The following SREBF1 variants were observed in gnomAD, a reference collection of about 807,000 sequenced individuals.
SREBF1 encodes the protein sterol regulatory element-binding protein 1.
In SREBF1, 45 loss-of-function variants were observed where a neutral mutation model predicts 100.1. The observed-to-expected ratio is 0.45, with a 90% CI of 0.35 to 0.58. SREBF1 has a LOEUF of 0.58. Ranked by LOEUF, SREBF1 falls within the 20% of genes least tolerant of loss-of-function variation. The pLI is 0.00. For missense variants in SREBF1, 1,324 were observed against 1,539.4 expected (o/e 0.86, Z 2.34); for synonymous variants, 657 against 681.8 (o/e 0.96, Z 0.57).
Position 17,812,327 on chromosome 17 carries a change from G to A in SREBF1, c.*295C>T. ...ACCCCTCTCTTCCCTGTACACAGGAGGAAAAAAGCCACTAAGGTGCCTGCA... is the reference window on the plus strand; with the variant it reads ...ACCCCTCTCTTCCCTGTACACAGGAAGAAAAAAGCCACTAAGGTGCCTGCA... On this transcript the variant is annotated 3_prime_UTR_variant, in exon 19 of 19. Coordinates refer to ENST00000261646, the MANE Select transcript of SREBF1 (RefSeq NM_004176.5). 1.8e-6 allele frequency: 1 copy of A among 542,536 alleles called. No homozygotes were observed. Among genetic ancestry groups the A allele is most frequent in the Non-Finnish European group, 3.3e-6 (1 of 304,104 alleles). 33.6% of individuals were successfully genotyped at this position (542,536 alleles called of 1,614,324 possible).
At position 17,836,898 on chromosome 17, in the gene SREBF1, G is replaced by A. The variant is rs2035279717; in HGVS notation, c.-81C>T. ...CCTAGGGAGCGCCGCCGCGGCCCCGGCTCTCAGTCGCCGCCGCCGCTCCGC... is the reference window on the plus strand; with the variant it reads ...CCTAGGGAGCGCCGCCGCGGCCCCGACTCTCAGTCGCCGCCGCCGCTCCGC... On this transcript the variant is annotated 5_prime_UTR_variant, in exon 1 of 19. Coordinates refer to ENST00000261646, the MANE Select transcript of SREBF1 (RefSeq NM_004176.5). 1 of 1,290,752 alleles carries A rather than the reference G, an allele frequency of 7.7e-7. No homozygotes were observed. The highest frequency in any genetic ancestry group is 1.6e-5 in the South Asian group (1 of 63,162). 80.0% of individuals were successfully genotyped at this position (1,290,752 alleles called of 1,614,324 possible). A position where few individuals can be genotyped will look rare whatever the true frequency, so the allele number is the denominator to read the frequency against.
rs560295995 is a variant in SREBF1 at position 17,813,257 on chromosome 17, G to A, written c.3214+111C>T. On this transcript the variant is annotated intron_variant, in intron 18 of 18. Coordinates refer to ENST00000261646, the MANE Select transcript of SREBF1 (RefSeq NM_004176.5). ...GTGCTAGGTGTGAGCCACTGCGCCA[G>A]GCCTGTCTGTCCCGTCTGACACACA... is the stretch of plus-strand genomic sequence containing the variant. 3.1e-5 allele frequency: 36 copies of A among 1,157,802 alleles called. No homozygotes were observed. The African/African-American group carries it at 4.7e-4, about 15-fold the overall frequency. 71.7% of individuals were successfully genotyped at this position (1,157,802 alleles called of 1,614,324 possible). A position where few individuals can be genotyped will look rare whatever the true frequency, so the allele number is the denominator to read the frequency against.
rs757988948 is a variant in SREBF1, at chr17:17,816,437, C to G, written c.2047+20G>C. 1 of 1,603,954 alleles carries G rather than the reference C, an allele frequency of 6.2e-7. No individual in the cohort carries two copies. The highest frequency in any genetic ancestry group is 8.5e-7 in the Non-Finnish European group (1 of 1,176,268). The stretch of plus-strand genomic sequence containing the variant: ...AGGCAGCAGGGAGCACCTCGGAGCC[C>G]GCCCCACGCTCAGTCCTACCCATGG... On this transcript the variant is annotated intron_variant, in intron 10 of 18. Coordinates refer to ENST00000261646, the MANE Select transcript of SREBF1 (RefSeq NM_004176.5).
At chr17:17,827,927 G>A (rs907024937) in intron 1 of SREBF1, among the ~76,000 whole-genome samples, 5 of 152,266 alleles carry the variant, frequency 3.3e-5, no homozygotes, top group Admixed American at 6.5e-5. Flanking sequence ...GCTCAGCTCC[G>A]GCACTGCCTC....
chr17:17,820,665 C>T (rs779099587), intron 1 of SREBF1, 144 bp from the exon 2 acceptor site: 11 of 914,580 alleles, frequency 1.2e-5, no homozygotes, highest in Non-Finnish European at 1.5e-5. Flanking sequence ...GGACAGAAAG[C>T]CACCCACAGG....
In SREBF1 at chr17:17,814,284, G is replaced by C; in HGVS notation, c.2862C>G (p.Asp954Glu). ...TGCTGGCTGGTGTGGTAGCCAGGCT[G>C]TCCTGCAGGTACCCACTGGCCTTCT... Reference protein sequence around the residue: ...ICEKASGYLQDSLATTPASSS... With the variant: ...ICEKASGYLQESLATTPASSS... The change falls in exon 16 of 19, where the codon GAC becomes GAG. Residue 954 changes from aspartate to glutamate, a missense_variant. Physicochemically the swap from Asp to Glu is conservative, Grantham distance 45 (BLOSUM62 2). Transcript: ENST00000261646. 1.2e-6 allele frequency: 2 copies of C among 1,604,668 alleles called. No individual in the cohort carries two copies. The highest frequency in any genetic ancestry group is 1.7e-5 in the Admixed American group (1 of 59,088).
Position 17,811,655 on chromosome 17 carries a change from T to C in SREBF1, c.*967A>G, listed in dbSNP as rs2032860172. 4.4e-6 allele frequency: 2 copies of C among 449,646 alleles called. No individual in the cohort carries two copies. Among genetic ancestry groups the C allele is most frequent in the South Asian group, 1.6e-5 (1 of 63,874 alleles). 27.9% of individuals were successfully genotyped at this position (449,646 alleles called of 1,614,324 possible). On this transcript the variant is annotated 3_prime_UTR_variant, in exon 19 of 19. Transcript: ENST00000261646. ...GTCGGGAGGGAGGAGGCTTCTTTGC[T>C]GTGAGATGACCAGGGGCCGGGATGG...
chr17:17,819,806 C>T, intron 2 of SREBF1, 81 bp from the exon 3 acceptor site: 1 of 1,482,998 alleles, frequency 6.7e-7, no homozygotes, highest in Non-Finnish European at 9.0e-7. Context: ...CTATCACCGA[C>T]TGGCCTTGGA....
chr17:17,836,912 C>A lies in SREBF1; in HGVS notation c.-95G>T. The A allele has an allele frequency of 8.5e-6, 10 of 1,179,390 alleles. No individual in the cohort carries two copies. The highest frequency in any genetic ancestry group is 1.1e-5 in the Non-Finnish European group (10 of 888,208). 73.1% of individuals were successfully genotyped at this position (1,179,390 alleles called of 1,614,324 possible). The stretch of plus-strand genomic sequence containing the variant: ...CCGCGGCCCCGGCTCTCAGTCGCCG[C>A]CGCCGCTCCGCGCGTTCGTGTCCTG... On this transcript the variant is annotated 5_prime_UTR_variant, in exon 1 of 19. Transcript: ENST00000261646.
Position 17,817,759 on chromosome 17 carries a change from G to A in SREBF1, c.1341C>T (p.Gly447=), listed in dbSNP as rs751121039. ...QSSPLSLGSR[G]SGSGGSGSDS... ...CACTGCCACTGCCACCGCTGCCACT[G>A]CCCCTGCTGCCAAGGGACAAGGGGC... The change falls in exon 7 of 19, where the codon GGC becomes GGT. Residue 447 remains glycine (G), a synonymous_variant. Transcript: ENST00000261646. The surrounding 1 kb of genome is among the most constrained non-coding windows in gnomAD (Gnocchi z 6.6). The A allele has an allele frequency of 3.7e-6, 6 of 1,613,580 alleles. No homozygotes were observed. In the African/African-American group the frequency reaches 6.7e-5, roughly 18 times the overall value.
intron 16 of SREBF1, 194 bp from the exon 17 acceptor site, chr17:17,813,963 G>A (rs533412704): frequency 3.3e-5 from 23 of 692,724 alleles, no homozygotes; most frequent in Middle Eastern, 4.0e-4. Context: ...CCACCGGCCC[G>A]GGAGCAGCTG....
rs2033427055 is a variant in SREBF1, at chr17:17,815,209, AACG to A, written c.2492+9_2492+11del. 1.2e-6 allele frequency: 2 copies of A among 1,611,398 alleles called. No individual in the cohort carries two copies. The highest frequency in any genetic ancestry group is 1.7e-5 in the Admixed American group (1 of 60,002). Reference sequence around the variant, plus strand: ...AGGGGCCTTGCCTGGAGGAGGGCACAACGACACTTACTTGTCCCCATCAGCTGA... The same window carrying A: ...AGGGGCCTTGCCTGGAGGAGGGCACAACACTTACTTGTCCCCATCAGCTGA... On this transcript the variant is annotated intron_variant, in intron 13 of 18. Coordinates refer to ENST00000261646, the MANE Select transcript of SREBF1 (RefSeq NM_004176.5).
At chr17:17,818,157 G>T in intron 6 of SREBF1, 103 bp downstream of exon 6, 2 of 715,750 alleles carry the variant, frequency 2.8e-6, no homozygotes, top group Non-Finnish European at 2.1e-6. Context: ...CAGAGGGTGG[G>T]CCAGAACCAA....
chr17:17,822,421 C>A (rs2034163470), intron 1 of SREBF1, among the ~76,000 whole-genome samples: 1 of 152,258 alleles, frequency 6.6e-6, no homozygotes, highest in Non-Finnish European at 1.5e-5. Context: ...CCACTCAGGG[C>A]TTTGATTTCA....
chr17:17,812,811 C>G lies in SREBF1; in HGVS notation c.3255G>C (p.Glu1085Asp), dbSNP rs1176844425. Residue 1085 changes from glutamate (E) to aspartate (D), a missense_variant, in exon 19 of 19, where the codon GAG (glutamate) becomes GAC (aspartate). Glu to Asp is a conservative substitution (Grantham distance 45, BLOSUM62 2). Coordinates refer to ENST00000261646, the MANE Select transcript of SREBF1 (RefSeq NM_004176.5). ...AGGCCAGCAGCAAGGCCTCCGCGTGCTCCCGCCGCGTGGGCCGCGGCTCCA... is the reference window on the plus strand; with the variant it reads ...AGGCCAGCAGCAAGGCCTCCGCGTGGTCCCGCCGCGTGGGCCGCGGCTCCA... ...AELEPRPTRREHAEALLLASC... is the reference protein window; with the variant it reads ...AELEPRPTRRDHAEALLLASC... The G allele has an allele frequency of 2.0e-6, 3 of 1,497,380 alleles. No individual in the cohort carries two copies. Among genetic ancestry groups the G allele is most frequent in the Non-Finnish European group, 2.7e-6 (3 of 1,127,834 alleles). 92.8% of individuals were successfully genotyped at this position (1,497,380 alleles called of 1,614,324 possible).
At chr17:17,833,284 C>T (rs1398753133) in intron 1 of SREBF1, among the ~76,000 whole-genome samples, 1 of 150,872 alleles carries the variant, frequency 6.6e-6, no homozygotes, top group African/African-American at 2.4e-5. Context: ...ATTAGCCGGG[C>T]GTGGTGGCAG....
At chr17:17,815,031 C>G in intron 13 of SREBF1, 87 bp from the exon 14 acceptor site, 2 of 1,347,740 alleles carry the variant, frequency 1.5e-6, no homozygotes, top group South Asian at 1.2e-5. Flanking sequence ...TACAGCCTGG[C>G]CCCTGGCTCT....
In SREBF1 at chr17:17,815,319, C is replaced by A. The variant is rs2033438448; in HGVS notation, c.2394G>T (p.Leu798=). 6.2e-7 allele frequency: 1 copy of A among 1,613,464 alleles called. No homozygotes were observed. Among genetic ancestry groups the A allele is most frequent in the South Asian group, 1.1e-5 (1 of 91,078 alleles). ...YSLAGNPVDP[L]AQVTQLFREH... ...CCCGGAATAGCTGAGTCACCTGGGC[C>A]AGGGGGTCCACTGTGGAGAGGAGGA... Residue 798 remains leucine (L), a synonymous_variant, in exon 13 of 19, where the codon CTG becomes CTT. Coordinates refer to ENST00000261646, the MANE Select transcript of SREBF1 (RefSeq NM_004176.5).
chr17:17,834,706 C>G (rs540325620), intron 1 of SREBF1, among the ~76,000 whole-genome samples: 1 of 152,172 alleles, frequency 6.6e-6, no homozygotes, highest in Non-Finnish European at 1.5e-5. Flanking sequence ...CTGGCCCAGA[C>G]CAGATTCTGT....
Sources: gnomAD v4.1 joint callset for allele counts (sites outside exome capture counted in the v4.1 genomes callset) on GRCh38, gnomAD v4.1.1 for gene constraint, Gnocchi (gnomAD v3.1) non-coding constraint, MANE v1.5 for transcripts, NCBI Gene and HGNC (gene_info 2026-07-23, HGNC 2026-07-21) for gene names.